Variants in CALD1 observed in about 807,000 individuals in gnomAD.
CALD1 encodes caldesmon.
CALD1 carries 33 observed loss-of-function variants against 99.9 expected under a neutral mutation model. The observed-to-expected ratio is 0.33, with a 90% CI of 0.25 to 0.44. CALD1 has a LOEUF of 0.44. Ranked by LOEUF, CALD1 falls within the 20% of genes least tolerant of loss-of-function variation. The pLI, the probability that CALD1 is intolerant of heterozygous loss-of-function variation, is 1.00. For synonymous variants in CALD1, 310 were observed against 325.0 expected (o/e 0.95, Z 0.50); for missense variants, 861 against 962.1 (o/e 0.89, Z 1.39).
chr7:134,773,241 CCTT>C lies in CALD1; in HGVS notation c.-130+28886_-130+28888del, dbSNP rs1002263997. On this transcript the variant is annotated intron_variant, in intron 1 of 13. Coordinates refer to the CALD1 transcript ENST00000417172. ...CTTTTATCTTTTCTATTCCAGCTTG[CCTT>C]CTTCTTCATTTTTCTGTAAGATTTT... is the stretch of plus-strand genomic sequence containing the variant. Among the ~76,000 whole-genome samples, 16 of 149,038 alleles carry C rather than the reference CCTT, an allele frequency of 1.1e-4. No homozygotes were observed. In the South Asian group the frequency reaches 1.9e-3, roughly 18 times the overall value.
intron 3 of CALD1, among the ~76,000 whole-genome samples, chr7:134,876,811 G>T (rs1165144259): frequency 1.3e-5 from 2 of 152,118 alleles, no homozygotes; most frequent in African/African-American, 4.8e-5. Context: ...CTCTAAATAT[G>T]AAAAAGATAA....
At chr7:134,797,063 C>T (rs748949815) in intron 1 of CALD1, among the ~76,000 whole-genome samples, 58 of 151,536 alleles carry the variant, frequency 3.8e-4, no homozygotes, top group Non-Finnish European at 7.2e-4. Context: ...CTTGCTCTGT[C>T]GCCCAGGCTT....
the CALD1 span, among the ~76,000 whole-genome samples, chr7:134,730,919 T>C: frequency 6.6e-6 from 1 of 152,036 alleles, no homozygotes; most frequent in Admixed American, 6.5e-5. Context: ...ACCCCACCTA[T>C]CCTACCTCAT....
intron 3 of CALD1, among the ~76,000 whole-genome samples, chr7:134,872,294 G>C (rs2132355189): frequency 6.6e-6 from 1 of 150,812 alleles, no homozygotes; most frequent in East Asian, 1.9e-4. Flanking sequence ...GGAGGCAGAG[G>C]GTGCAGTGAG....
intron 13 of CALD1, among the ~76,000 whole-genome samples, chr7:134,964,866 C>A (rs6974970): frequency 0.062 from 9,356 of 152,088 alleles, 983 homozygotes; most frequent in African/African-American, 0.21. Flanking sequence ...GCAAGGACCC[C>A]GAGGCTATAG....
intron 5 of CALD1, 82 bp from the exon 6 acceptor site, chr7:134,935,606 C>T (rs763707886): frequency 4.9e-5 from 75 of 1,517,446 alleles, no homozygotes; most frequent in Middle Eastern, 1.7e-4. Flanking sequence ...ACTTGCAAGG[C>T]GATCCGAGCA....
intron 11 of CALD1, among the ~76,000 whole-genome samples, chr7:134,958,891 A>ATATATTTAAC (rs1554479140): frequency 3.9e-4 from 56 of 142,268 alleles, no homozygotes; most frequent in African/African-American, 1.4e-3. Context: ...ATATATATAT[A>ATATATTTAAC]TATATATATA....
intron 1 of CALD1, among the ~76,000 whole-genome samples, chr7:134,823,481 C>G (rs1188632024): frequency 6.6e-6 from 1 of 152,130 alleles, no homozygotes; most frequent in Non-Finnish European, 1.5e-5. Context: ...AGAATTCAGC[C>G]TTTGTGTGTT....
chr7:134,933,940 C>G lies in CALD1; in HGVS notation c.1171C>G (p.Gln391Glu). Residue 391 changes from glutamine (Q) to glutamate (E), a missense_variant, in exon 5 of 15, where the codon CAG (glutamine) becomes GAG (glutamate). This residue lies in a region of CALD1 where 293 missense variants were observed against 262.7 expected (regional missense o/e 1.12). Transcript: ENST00000361675. ...AKVEEQKRNKQLEEKKHAMQE... is the reference protein window; with the variant it reads ...AKVEEQKRNKELEEKKHAMQE... The stretch of plus-strand genomic sequence containing the variant: ...GGTAGAAGAGCAGAAACGTAACAAG[C>G]AGCTAGAAGAGAAAAAACATGCCAT... 1 of 1,613,852 alleles carries G rather than the reference C, an allele frequency of 6.2e-7. No homozygotes were observed. Among genetic ancestry groups the G allele is most frequent in the Non-Finnish European group, 8.5e-7 (1 of 1,179,930 alleles).
intron 1 of CALD1, among the ~76,000 whole-genome samples, chr7:134,774,002 C>A (rs1349268999): frequency 1.3e-5 from 2 of 152,058 alleles, no homozygotes; most frequent in Non-Finnish European, 2.9e-5. Flanking sequence ...AACCCCGTCT[C>A]TACTAAAAAA....
intron 5 of CALD1, among the ~76,000 whole-genome samples, chr7:134,935,365 T>C (rs1037146452): frequency 5.9e-5 from 9 of 152,212 alleles, no homozygotes; most frequent in Non-Finnish European, 1.3e-4. Flanking sequence ...CTCCTGCTTC[T>C]GTACAAGAGG....
At chr7:134,915,726 T>G (rs1214880117) in intron 3 of CALD1, among the ~76,000 whole-genome samples, 1 of 152,232 alleles carries the variant, frequency 6.6e-6, no homozygotes, top group East Asian at 1.9e-4. Flanking sequence ...TATTATTCTA[T>G]CTGTTAAAAC....
intron 1 of CALD1, among the ~76,000 whole-genome samples, chr7:134,842,764 GT>G (rs1228879504): frequency 1.3e-5 from 2 of 152,066 alleles, no homozygotes; most frequent in Non-Finnish European, 2.9e-5. Flanking sequence ...TGCTAGCAAT[GT>G]TTTTCTATTT....
chr7:134,846,929 G>A (rs1799874917), intron 2 of CALD1, among the ~76,000 whole-genome samples: 1 of 152,206 alleles, frequency 6.6e-6, no homozygotes, highest in African/African-American at 2.4e-5. Context: ...TATCAAATGA[G>A]AAATGTTGAA....
At chr7:134,822,173 T>C (rs1798810828) in intron 1 of CALD1, 1 of 152,154 alleles carries the variant, frequency 6.6e-6, no homozygotes, top group African/African-American at 2.4e-5. Flanking sequence ...CTATATTATC[T>C]TGGGCACGAG....
chr7:134,936,604 T>C (rs936538176), intron 6 of CALD1, among the ~76,000 whole-genome samples: 2 of 152,212 alleles, frequency 1.3e-5, no homozygotes, highest in African/African-American at 4.8e-5. Flanking sequence ...AACCCATCTA[T>C]TAAGAAAACT....
rs899116750 is a variant in CALD1, at chr7:134,783,287, C to T, written c.-130+3538C>T. 1.3e-5 allele frequency among the ~76,000 whole-genome samples: 2 copies of T among 152,188 alleles called. No homozygotes were observed. The highest frequency in any genetic ancestry group is 4.8e-5 in the African/African-American group (2 of 41,442). On this transcript the variant is annotated intron_variant, in intron 1 of 14. Transcript: ENST00000361675. This position sits in a 1 kb window ranked among gnomAD's most constrained non-coding sequence, Gnocchi z 4.3. ...CTAGTTGCATCCCTAACTTCCTTACCCCCAGGCCTCCACCTGTAACCTCTT... is the reference window on the plus strand; with the variant it reads ...CTAGTTGCATCCCTAACTTCCTTACTCCCAGGCCTCCACCTGTAACCTCTT...
At chr7:134,847,960 T>C (rs1470863556) in intron 2 of CALD1, among the ~76,000 whole-genome samples, 1 of 152,178 alleles carries the variant, frequency 6.6e-6, no homozygotes, top group East Asian at 1.9e-4. Flanking sequence ...GGAATAGCAT[T>C]TGTACAGTTA....
intron 3 of CALD1, among the ~76,000 whole-genome samples, chr7:134,925,106 T>G (rs891216564): frequency 6.6e-6 from 1 of 152,108 alleles, no homozygotes; most frequent in African/African-American, 2.4e-5. Context: ...CTAGTAGCTG[T>G]GTATCCTAGA....
Sources: gnomAD v4.1 joint callset for allele counts (sites outside exome capture counted in the v4.1 genomes callset) on GRCh38, gnomAD v4.1.1 for gene constraint, gnomAD v4.1.1 regional missense constraint, Gnocchi (gnomAD v3.1) non-coding constraint, MANE v1.5 for transcripts, NCBI Gene and HGNC (gene_info 2026-07-23, HGNC 2026-07-21) for gene names.